The following ZNF536 variants were observed in gnomAD, a reference collection of about 807,000 sequenced individuals.
ZNF536 encodes zinc finger protein 536.
In ZNF536, 13 loss-of-function variants were observed where a neutral mutation model predicts 84.5. The ratio of observed to expected loss-of-function variants is 0.15; its 90% CI spans 0.10 to 0.24. The LOEUF is 0.24. Ranked by LOEUF, ZNF536 falls within the 10% of genes least tolerant of loss-of-function variation. The pLI is 1.00. For synonymous variants in ZNF536, 811 were observed against 742.5 expected, an observed-to-expected ratio of 1.09 and a Z score of -1.50; for missense variants, 1,536 against 1,747.5, an observed-to-expected ratio of 0.88 and a Z score of 2.16.
At chr19:30,449,168 AT>A (rs1382097273) in intron 2 of ZNF536, among the ~76,000 whole-genome samples, 1 of 152,114 alleles carries the variant, frequency 6.6e-6, no homozygotes, top group African/African-American at 2.4e-5. Context: ...CCTTTGTTTT[AT>A]TTTTGTTTTG....
At chr19:30,401,536 T>C (rs969098732) in intron 1 of ZNF536, among the ~76,000 whole-genome samples, 5 of 152,266 alleles carry the variant, frequency 3.3e-5, no homozygotes, top group African/African-American at 1.2e-4. Context: ...CCCCAGACAC[T>C]ACTGTTTTGG....
intron 1 of ZNF536, among the ~76,000 whole-genome samples, chr19:30,262,299 G>T (rs1344273919): frequency 2.0e-5 from 3 of 152,232 alleles, no homozygotes; most frequent in African/African-American, 7.2e-5. Context: ...TCCAGGTGCA[G>T]GTGGGAAGGG....
At chr19:30,553,476 AGTT>A (rs980603573) in intron 4 of ZNF536, among the ~76,000 whole-genome samples, 8 of 152,146 alleles carry the variant, frequency 5.3e-5, no homozygotes, top group African/African-American at 1.9e-4. Context: ...CAGGGTGTGG[AGTT>A]GTTGTGTGCC....
At chr19:30,240,567 A>G (rs544888702) in intron 1 of ZNF536, among the ~76,000 whole-genome samples, 1 of 152,274 alleles carries the variant, frequency 6.6e-6, no homozygotes, top group Non-Finnish European at 1.5e-5. Context: ...GCATTGCTGC[A>G]CTGGCCTGAC....
rs147679549 is a variant in ZNF536, at chr19:30,308,203, G to A, written c.-120+24062G>A. ...AGGATTCCATCTGCTGTGTTTCAGG[G>A]ACAGAAGTGTATGGTTTGTCATTGT... On this transcript the variant is annotated intron_variant, in intron 2 of 5. Transcript: ENST00000585628. 3.3e-3 allele frequency among the ~76,000 whole-genome samples: 498 copies of A among 152,262 alleles called. 3 individuals carry two copies. The highest frequency in any genetic ancestry group is 5.7e-3 in the Non-Finnish European group (388 of 68,032).
At chr19:30,630,148 G>T (rs768845035) in intron 1 of ZNF536, among the ~76,000 whole-genome samples, 7 of 152,226 alleles carry the variant, frequency 4.6e-5, no homozygotes, top group Non-Finnish European at 1.0e-4. Context: ...GGCTACAGCT[G>T]GTAACTTGCT....
At chr19:30,377,034 C>T (rs1332990108) in intron 1 of ZNF536, among the ~76,000 whole-genome samples, 1 of 152,162 alleles carries the variant, frequency 6.6e-6, no homozygotes, top group Non-Finnish European at 1.5e-5. Context: ...AGGGACAGGG[C>T]CATCCTGACA....
chr19:30,395,169 ATGGTACAAGATTAATGAAAAG>A (rs1233021263), intron 1 of ZNF536, among the ~76,000 whole-genome samples: 1 of 152,220 alleles, frequency 6.6e-6, no homozygotes, highest in East Asian at 1.9e-4. Context: ...CATCTTATCT[ATGGTACAAGATTAATGAAAAG>A]TGATAAAAGA....
intron 4 of ZNF536, chr19:30,555,336 G>A (rs1340176531): frequency 6.6e-6 from 1 of 152,224 alleles, no homozygotes; most frequent in Non-Finnish European, 1.5e-5. Context: ...TGATGTCAGT[G>A]TGCAAACATC....
At chr19:30,397,754 A>G (rs2049881042) in intron 1 of ZNF536, among the ~76,000 whole-genome samples, 1 of 152,222 alleles carries the variant, frequency 6.6e-6, no homozygotes, top group African/African-American at 2.4e-5. Context: ...AATGATTACA[A>G]GGTATTAGAG....
intron 2 of ZNF536, among the ~76,000 whole-genome samples, chr19:30,517,653 G>A (rs753753790): frequency 2.0e-5 from 3 of 152,022 alleles, no homozygotes; most frequent in East Asian, 1.9e-4. Flanking sequence ...TGGGTGTGGC[G>A]GTGCATACGC....
rs991452272 is a variant in ZNF536, at chr19:30,706,211, G to A, written c.170-4546G>A. ...AAGTACAATAGACAGTTGGCTGGGCGCGGTGGCTCACGCCTGTAATCCCAG... is the reference window on the plus strand; with the variant it reads ...AAGTACAATAGACAGTTGGCTGGGCACGGTGGCTCACGCCTGTAATCCCAG... On this transcript the variant is annotated intron_variant, in intron 1 of 1. Coordinates refer to the ZNF536 transcript ENST00000592773. Among the ~76,000 whole-genome samples, 36 of 152,158 alleles carry A rather than the reference G, an allele frequency of 2.4e-4. 1 individual carries two copies. The highest frequency in any genetic ancestry group is 8.0e-4 in the African/African-American group (33 of 41,430).
At chr19:30,587,597 A>T (rs577925492) in intron 1 of ZNF536, among the ~76,000 whole-genome samples, 2 of 152,114 alleles carry the variant, frequency 1.3e-5, no homozygotes, top group Non-Finnish European at 1.5e-5. Context: ...GCATGCCATC[A>T]CTCATACCCT....
intron 1 of ZNF536, among the ~76,000 whole-genome samples, chr19:30,382,943 C>T (rs534202088): frequency 6.6e-6 from 1 of 152,276 alleles, no homozygotes; most frequent in Non-Finnish European, 1.5e-5. Flanking sequence ...TTAAAATTAG[C>T]CCAGATAGTC....
chr19:30,543,789 A>G (rs1009878481), intron 3 of ZNF536, among the ~76,000 whole-genome samples: 15 of 152,138 alleles, frequency 9.9e-5, no homozygotes, highest in Non-Finnish European at 7.4e-5. Flanking sequence ...TTGCCTCCTG[A>G]GCACTCTGAA....
At chr19:30,467,790 C>A (rs2053476758) in intron 2 of ZNF536, among the ~76,000 whole-genome samples, 1 of 152,238 alleles carries the variant, frequency 6.6e-6, no homozygotes, top group Non-Finnish European at 1.5e-5. Flanking sequence ...AGGAATGGGC[C>A]TCTGCTCAGA....
intron 2 of ZNF536, among the ~76,000 whole-genome samples, chr19:30,510,918 C>A (rs992217313): frequency 1.3e-5 from 2 of 152,180 alleles, no homozygotes; most frequent in Non-Finnish European, 2.9e-5. Context: ...GTGTCTGCTG[C>A]CATGAGTCTG....
chr19:30,281,206 T>C (rs1157367364), intron 1 of ZNF536, among the ~76,000 whole-genome samples: 1 of 152,182 alleles, frequency 6.6e-6, no homozygotes, highest in East Asian at 1.9e-4. Flanking sequence ...CCTCTGGCTC[T>C]AGGAAGTCTC....
intron 3 of ZNF536, among the ~76,000 whole-genome samples, chr19:30,365,525 T>C (rs1218755344): frequency 6.6e-6 from 1 of 152,186 alleles, no homozygotes; most frequent in Non-Finnish European, 1.5e-5. Context: ...CTGGTGTGCT[T>C]GAACATAGCA....
Sources: gnomAD v4.1 joint callset for allele counts (sites outside exome capture counted in the v4.1 genomes callset) on GRCh38, gnomAD v4.1.1 for gene constraint, MANE v1.5 for transcripts, NCBI Gene and HGNC (gene_info 2026-07-23, HGNC 2026-07-21) for gene names.